Variants in RB1 observed in about 807,000 individuals in gnomAD.
The protein encoded by RB1 is retinoblastoma-associated protein.
In RB1, 18 loss-of-function variants were observed where a neutral mutation model predicts 135.4. The ratio of observed to expected loss-of-function variants is 0.13; its 90% CI spans 0.09 to 0.20. The LOEUF (loss-of-function observed/expected upper bound fraction) is 0.20, where lower values mean the gene tolerates loss of function less well. RB1 is among the 10% of genes least tolerant of loss of function. RB1 has a pLI of 1.00. For missense variants in RB1, 868 were observed against 1,110.0 expected (o/e 0.78, Z 3.10); for synonymous variants, 365 against 373.2 (o/e 0.98, Z 0.25).
chr13:48,411,202 T>A, intron 17 of RB1: 1 of 525,582 alleles, frequency 1.9e-6, no homozygotes, highest in Non-Finnish European at 3.4e-6. Flanking sequence ...TCAGATGGAG[T>A]GGATACACAA....
At chr13:48,352,817 CCT>C (rs1952559474) in intron 6 of RB1, among the ~76,000 whole-genome samples, 1 of 152,042 alleles carries the variant, frequency 6.6e-6, no homozygotes, top group African/African-American at 2.4e-5. Context: ...AGTTTGACTC[CCT>C]CTCTTCCTAT....
chr13:48,347,904 AGATTTTTATGG>A, intron 5 of RB1, 41 bp downstream of exon 5: 2 of 1,463,256 alleles, frequency 1.4e-6, no homozygotes, highest in Non-Finnish European at 9.5e-7. Context: ...TTAAAAAAAA[AGATTTTTATGG>A]AATAATCTCA....
intron 2 of RB1, among the ~76,000 whole-genome samples, chr13:48,332,059 G>T (rs953416709): frequency 1.3e-5 from 2 of 152,060 alleles, no homozygotes; most frequent in Non-Finnish European, 2.9e-5. Flanking sequence ...CCTTAAAAAA[G>T]GTAGGAAATC....
intron 2 of RB1, chr13:48,317,928 A>G: frequency 2.4e-6 from 1 of 418,730 alleles, no homozygotes; most frequent in South Asian, 2.1e-5. Context: ...GAACTTCTGA[A>G]CTGCTCAGAC....
At chr13:48,370,850 C>A (rs1320911981) in intron 11 of RB1, among the ~76,000 whole-genome samples, 3 of 152,202 alleles carry the variant, frequency 2.0e-5, no homozygotes, top group Non-Finnish European at 4.4e-5. Flanking sequence ...AGGTTCCAAC[C>A]CTCTAACTCT....
chr13:48,444,244 C>T (rs565146916), intron 17 of RB1, among the ~76,000 whole-genome samples: 15 of 152,190 alleles, frequency 9.9e-5, no homozygotes, highest in East Asian at 3.9e-4. Flanking sequence ...ATACTGGGCA[C>T]GGTGGCTCAA....
rs1278136271 is a variant in RB1, at chr13:48,322,949, A to G, written c.264+15543A>G. ...TTTTTTTGAGGATTTCTATACGTGT[A>G]TTTATAAGAGATTTTGGTCTTTAGT... is the stretch of plus-strand genomic sequence containing the variant. On this transcript the variant is annotated intron_variant, in intron 2 of 26. Coordinates refer to ENST00000267163, the MANE Select transcript of RB1 (RefSeq NM_000321.3). Among the ~76,000 whole-genome samples, 7 of 151,596 alleles carry G rather than the reference A, an allele frequency of 4.6e-5. No homozygotes were observed. The East Asian group carries it at 1.3e-3, about 29-fold the overall frequency.
chr13:48,477,338 A>AT lies in RB1; in HGVS notation c.2664-10dup, dbSNP rs768662148. 1 of 1,595,570 alleles carries AT rather than the reference A, an allele frequency of 6.3e-7. No individual in the cohort carries two copies. Among genetic ancestry groups the AT allele is most frequent in the Non-Finnish European group, 8.6e-7 (1 of 1,164,450 alleles). The stretch of plus-strand genomic sequence containing the variant: ...TATAAATACACATGAAATGTTTTGC[A>AT]TTTTTTTAATCTGCAGTAAACATCT... On this transcript the variant is annotated splice_polypyrimidine_tract_variant and intron_variant, in intron 25 of 26. Transcript: ENST00000267163.
chr13:48,464,892 T>C (rs575853122), intron 21 of RB1, 106 bp from the exon 22 acceptor site: 12 of 1,281,016 alleles, frequency 9.4e-6, no homozygotes, highest in African/African-American at 1.5e-5. Context: ...CAAAAAGTAT[T>C]ATAAACTATT....
intron 6 of RB1, among the ~76,000 whole-genome samples, chr13:48,357,478 A>C (rs905032066): frequency 1.3e-5 from 2 of 152,132 alleles, no homozygotes; most frequent in African/African-American, 4.8e-5. Context: ...ATAATAGACG[A>C]ATTATTCAAT....
At position 48,362,936 on chromosome 13, in the gene RB1, A is replaced by G. The variant is rs762092062; in HGVS notation, c.840A>G (p.Glu280=). 1.7e-5 allele frequency: 28 copies of G among 1,613,578 alleles called. No homozygotes were observed. Among genetic ancestry groups the G allele is most frequent in the Non-Finnish European group, 1.3e-5 (15 of 1,179,578 alleles). ...DTRIIEVLCK[E]HECNIDEVKN... is the part of the protein sequence containing the mutation. ...GAATTATTGAAGTTCTCTGTAAAGAACATGAATGTAATATAGATGAGGTAA... is the reference window on the plus strand; with the variant it reads ...GAATTATTGAAGTTCTCTGTAAAGAGCATGAATGTAATATAGATGAGGTAA... Residue 280 remains glutamate (E), a synonymous_variant, in exon 8 of 27, where the codon GAA becomes GAG. Coordinates refer to ENST00000267163, the MANE Select transcript of RB1 (RefSeq NM_000321.3).
chr13:48,438,617 C>T (rs1271167676), intron 17 of RB1, among the ~76,000 whole-genome samples: 1 of 151,932 alleles, frequency 6.6e-6, no homozygotes, highest in Non-Finnish European at 1.5e-5. Flanking sequence ...GCTCTGAAAT[C>T]AAACAGTTTG....
intron 17 of RB1, among the ~76,000 whole-genome samples, chr13:48,384,742 G>C (rs757185926): frequency 1.3e-5 from 2 of 152,128 alleles, no homozygotes; most frequent in Non-Finnish European, 2.9e-5. Flanking sequence ...ATTTTTAATG[G>C]TTGTGTGGGG....
In RB1 at chr13:48,319,421, C is replaced by A; in HGVS notation, c.264+12015C>A. On this transcript the variant is annotated intron_variant, in intron 2 of 26. Coordinates refer to ENST00000267163, the MANE Select transcript of RB1 (RefSeq NM_000321.3). This position sits in a 1 kb window ranked among gnomAD's most constrained non-coding sequence, Gnocchi z 5.0. ...TGCTGCTGGAGTCTGACGCCTCGGGCGCCTGCGCCGCACTTGTGACTTGCT... is the reference window on the plus strand; with the variant it reads ...TGCTGCTGGAGTCTGACGCCTCGGGAGCCTGCGCCGCACTTGTGACTTGCT... 2 of 373,304 alleles carry A rather than the reference C, an allele frequency of 5.4e-6. No individual in the cohort carries two copies. Among genetic ancestry groups the A allele is most frequent in the Non-Finnish European group, 1.0e-5 (2 of 198,714 alleles). 23.1% of individuals were successfully genotyped at this position (373,304 alleles called of 1,614,324 possible).
rs916188562 is a variant in RB1 at position 48,325,098 on chromosome 13, A to G, written c.265-17501A>G. Among the ~76,000 whole-genome samples, 6 of 151,692 alleles carry G rather than the reference A, an allele frequency of 4.0e-5. No individual in the cohort carries two copies. The South Asian group carries it at 1.2e-3, about 31-fold the overall frequency. On this transcript the variant is annotated intron_variant, in intron 2 of 26. Coordinates refer to ENST00000267163, the MANE Select transcript of RB1 (RefSeq NM_000321.3). ...TGCCCAGGAATGAAGTCCAATACCT[A>G]CTAGTTGTTTGTCCTAATCCGCTTC...
At chr13:48,338,971 G>A (rs1033936517) in intron 2 of RB1, among the ~76,000 whole-genome samples, 1 of 152,204 alleles carries the variant, frequency 6.6e-6, no homozygotes, top group African/African-American at 2.4e-5. Context: ...ATCAGCAGTG[G>A]AGGCTGCAGA....
intron 17 of RB1, among the ~76,000 whole-genome samples, chr13:48,421,426 C>G (rs1949003631): frequency 6.6e-6 from 1 of 152,092 alleles, no homozygotes; most frequent in South Asian, 2.1e-4. Context: ...AGAAGAAAAC[C>G]TAGGCAATAC....
chr13:48,358,678 T>A (rs1952613027), intron 6 of RB1, among the ~76,000 whole-genome samples: 1 of 152,270 alleles, frequency 6.6e-6, no homozygotes, highest in South Asian at 2.1e-4. Context: ...GCTATAGTTG[T>A]TTACTTCCTC....
At chr13:48,420,425 A>G (rs1372457329) in intron 17 of RB1, among the ~76,000 whole-genome samples, 3 of 152,352 alleles carry the variant, frequency 2.0e-5, no homozygotes, top group East Asian at 1.9e-4. Flanking sequence ...CCCACAGCCA[A>G]TATCATACTG....
Sources: allele counts gnomAD v4.1 joint callset (sites outside exome capture counted in the v4.1 genomes callset), GRCh38; gene constraint gnomAD v4.1.1; non-coding constraint Gnocchi (gnomAD v3.1); transcripts MANE v1.5; gene names NCBI Gene and HGNC (gene_info 2026-07-23, HGNC 2026-07-21).